SH3RF1: variants seen among roughly 807,000 people sequenced by gnomAD.
SH3RF1 encodes E3 ubiquitin-protein ligase SH3RF1.
SH3RF1 carries 32 observed loss-of-function variants against 74.0 expected under a neutral mutation model. The observed-to-expected ratio is 0.43, with a 90% CI of 0.33 to 0.58. SH3RF1 has a LOEUF of 0.58. SH3RF1 is among the 20% of genes least tolerant of loss of function. The pLI is 0.05. For missense variants in SH3RF1, 954 were observed against 1,130.9 expected, an observed-to-expected ratio of 0.84 and a Z score of 2.24; for synonymous variants, 396 against 439.6, an observed-to-expected ratio of 0.90 and a Z score of 1.24.
At chr4:169,259,275 G>A (rs1193328711) in intron 2 of SH3RF1, among the ~76,000 whole-genome samples, 2 of 152,030 alleles carry the variant, frequency 1.3e-5, no homozygotes, top group African/African-American at 4.8e-5. Context: ...TCTGCACTAC[G>A]TAACTTAAAA....
intron 10 of SH3RF1, among the ~76,000 whole-genome samples, chr4:169,115,513 G>C (rs139091630): frequency 1.9e-3 from 293 of 152,240 alleles, no homozygotes; most frequent in African/African-American, 6.4e-3. Flanking sequence ...CTGAGGATCT[G>C]TCACTGTCTG....
intron 2 of SH3RF1, among the ~76,000 whole-genome samples, chr4:169,207,741 G>GTC (rs987556162): frequency 1.3e-5 from 2 of 152,162 alleles, no homozygotes; most frequent in African/African-American, 4.8e-5. Flanking sequence ...CTACATCTAC[G>GTC]TAAGACACTT....
At chr4:169,189,807 C>T (rs908271020) in intron 2 of SH3RF1, among the ~76,000 whole-genome samples, 1 of 152,102 alleles carries the variant, frequency 6.6e-6, no homozygotes, top group Non-Finnish European at 1.5e-5. Context: ...ATGAAAAGCA[C>T]CTAATGCTAC....
At chr4:169,195,445 C>T (rs1478319568) in intron 2 of SH3RF1, among the ~76,000 whole-genome samples, 1 of 152,110 alleles carries the variant, frequency 6.6e-6, no homozygotes, top group Non-Finnish European at 1.5e-5. Flanking sequence ...CACAGGATTT[C>T]TTGAGTTTGT....
intron 2 of SH3RF1, among the ~76,000 whole-genome samples, chr4:169,222,513 A>T (rs1309619372): frequency 2.7e-5 from 4 of 148,522 alleles, no homozygotes; most frequent in East Asian, 1.9e-4. Context: ...ATACATATTT[A>T]TATATATATA....
chr4:169,122,241 G>C lies in SH3RF1; in HGVS notation c.1205C>G (p.Pro402Arg). The C allele has an allele frequency of 6.2e-7, 1 of 1,606,454 alleles. No homozygotes were observed. Among genetic ancestry groups the C allele is most frequent in the Non-Finnish European group, 8.5e-7 (1 of 1,175,984 alleles). ...LGTLNPPLPP[P>R]PLLAATVLAS... is the part of the protein sequence containing the mutation. ...AAGGACAGTGGCAGCCAGGAGAGGG[G>C]GTGGTGGAAGAGGAGGATTCAAAGT... Residue 402 changes from proline to arginine, a missense_variant, in exon 7 of 12, where the codon CCC becomes CGC. By Grantham distance (103) the Pro-to-Arg change is moderately radical. Coordinates refer to ENST00000284637, the MANE Select transcript of SH3RF1 (RefSeq NM_020870.4).
chr4:169,222,281 T>C (rs1158556469), intron 2 of SH3RF1, among the ~76,000 whole-genome samples: 1 of 152,048 alleles, frequency 6.6e-6, no homozygotes, highest in Non-Finnish European at 1.5e-5. Context: ...CTGGCCAACA[T>C]GGTGAAACCC....
intron 2 of SH3RF1, among the ~76,000 whole-genome samples, chr4:169,222,420 G>A (rs1031381656): frequency 1.3e-5 from 2 of 151,678 alleles, no homozygotes; most frequent in African/African-American, 4.8e-5. Context: ...AACTGAGATT[G>A]CACCACTACA....
chr4:169,172,966 C>T lies in SH3RF1; in HGVS notation c.394-16287G>A, dbSNP rs1283222314. 2.0e-5 allele frequency among the ~76,000 whole-genome samples: 3 copies of T among 152,166 alleles called. No homozygotes were observed. In the East Asian group the frequency reaches 5.8e-4, roughly 29 times the overall value. ...GAGGTTATGTATTTTCTATCATGAA[C>T]AGATATTACTCTAAAACTAAAATGT... is the stretch of plus-strand genomic sequence containing the variant. On this transcript the variant is annotated intron_variant, in intron 2 of 11. Coordinates refer to ENST00000284637, the MANE Select transcript of SH3RF1 (RefSeq NM_020870.4).
At chr4:169,174,250 T>C (rs1438581132) in intron 2 of SH3RF1, among the ~76,000 whole-genome samples, 1 of 151,998 alleles carries the variant, frequency 6.6e-6, no homozygotes, top group Non-Finnish European at 1.5e-5. Context: ...TTTGTAGGGG[T>C]AGGGTCTCTC....
At position 169,156,757 on chromosome 4, in the gene SH3RF1, T is replaced by C; in HGVS notation, c.394-78A>G. ...CTCTGAAAATACAACTGCGTTGTCA[T>C]TGTTTTAAAGTCAAAGTCAAAACCA... On this transcript the variant is annotated intron_variant, in intron 2 of 11. Coordinates refer to ENST00000284637, the MANE Select transcript of SH3RF1 (RefSeq NM_020870.4). The C allele has an allele frequency of 5.7e-6, 8 of 1,402,660 alleles. No individual in the cohort carries two copies. The South Asian group carries it at 8.6e-5, about 15-fold the overall frequency. 86.9% of individuals were successfully genotyped at this position (1,402,660 alleles called of 1,614,324 possible).
intron 11 of SH3RF1, among the ~76,000 whole-genome samples, chr4:169,102,223 T>A (rs186718067): frequency 6.6e-6 from 1 of 152,312 alleles, no homozygotes; most frequent in East Asian, 1.9e-4. Context: ...TGTAGCTTGC[T>A]CCAAGTCCAA....
At chr4:169,237,323 G>C (rs973134079) in intron 2 of SH3RF1, among the ~76,000 whole-genome samples, 5 of 152,164 alleles carry the variant, frequency 3.3e-5, no homozygotes, top group Non-Finnish European at 7.3e-5. Flanking sequence ...TTCACCAGGT[G>C]TTTATTTACC....
intron 2 of SH3RF1, among the ~76,000 whole-genome samples, chr4:169,234,631 T>C (rs1730797847): frequency 6.6e-6 from 1 of 152,174 alleles, no homozygotes; most frequent in South Asian, 2.1e-4. Flanking sequence ...ACAGCTTTGG[T>C]AGAAAGTACT....
At position 169,268,821 on chromosome 4, in the gene SH3RF1, C is replaced by T; in HGVS notation, c.392G>A (p.Arg131Lys). The T allele has an allele frequency of 3.2e-6, 5 of 1,582,584 alleles. No individual in the cohort carries two copies. Among genetic ancestry groups the T allele is most frequent in the Non-Finnish European group, 3.4e-6 (4 of 1,166,962 alleles). The part of the protein sequence containing the change: ...PRVQSWSPPV[R>K]GIPQLPCAKA... The stretch of plus-strand genomic sequence containing the variant: ...AAACTACCTCTGTAGGCTACTTACC[C>T]TCACTGGGGGGCTCCAGGATTGCAC... The change falls in exon 2 of 12, where the codon AGG (arginine) becomes AAG (lysine). Residue 131 changes from arginine (R) to lysine (K), a missense_variant and splice_region_variant. By Grantham distance (26) the Arg-to-Lys change is conservative (BLOSUM62 2). This residue lies in a region of SH3RF1 where 854 missense variants were observed against 962.5 expected (regional missense o/e 0.89). Coordinates refer to ENST00000284637, the MANE Select transcript of SH3RF1 (RefSeq NM_020870.4).
At position 169,200,355 on chromosome 4, in the gene SH3RF1, T is replaced by G. The variant is rs1734888346; in HGVS notation, c.394-43676A>C. ...CTCAATGGAGTTCCAACAATAGGTA[T>G]TATATAGACCATGCCCGTTAATCAC... On this transcript the variant is annotated intron_variant, in intron 2 of 11. Coordinates refer to ENST00000284637, the MANE Select transcript of SH3RF1 (RefSeq NM_020870.4). 2.6e-5 allele frequency among the ~76,000 whole-genome samples: 4 copies of G among 152,266 alleles called. No individual in the cohort carries two copies. The South Asian group carries it at 8.3e-4, about 32-fold the overall frequency.
chr4:169,217,233 T>C (rs186631191), intron 2 of SH3RF1: 3 of 152,064 alleles, frequency 2.0e-5, no homozygotes, highest in African/African-American at 7.2e-5. Context: ...CAGACAAGGC[T>C]TGGTTCAACA....
At chr4:169,145,302 G>A (rs1733856470) in intron 4 of SH3RF1, among the ~76,000 whole-genome samples, 1 of 152,014 alleles carries the variant, frequency 6.6e-6, no homozygotes, top group African/African-American at 2.4e-5. Context: ...TGGAGCTGGA[G>A]GTCATTATCC....
In SH3RF1 at chr4:169,198,309, T is replaced by C. The variant is rs146004104; in HGVS notation, c.394-41630A>G. On this transcript the variant is annotated intron_variant, in intron 2 of 11. Coordinates refer to ENST00000284637, the MANE Select transcript of SH3RF1 (RefSeq NM_020870.4). The stretch of plus-strand genomic sequence containing the variant: ...TGAATACTTTTAACATCCCCAGTTA[T>C]ATTAATATTAGTGTTCTCCTTCTGT... Among the ~76,000 whole-genome samples, 259 of 151,806 alleles carry C rather than the reference T, an allele frequency of 1.7e-3. 1 individual carries two copies. Among genetic ancestry groups the C allele is most frequent in the African/African-American group, 5.7e-3 (235 of 41,490 alleles).
Sources: gnomAD v4.1 joint callset for allele counts (sites outside exome capture counted in the v4.1 genomes callset) on GRCh38, gnomAD v4.1.1 for gene constraint, gnomAD v4.1.1 regional missense constraint, MANE v1.5 for transcripts, NCBI Gene and HGNC (gene_info 2026-07-23, HGNC 2026-07-21) for gene names.